The following NUP37 variants were observed in gnomAD, a reference collection of about 807,000 sequenced individuals.
NUP37 encodes the protein nucleoporin 37.
In NUP37, 33 loss-of-function variants were observed where a neutral mutation model predicts 45.4. That is an observed-to-expected ratio of 0.73 (90% CI 0.55 to 0.97). The LOEUF is 0.97. NUP37 is among the 50% of genes least tolerant of loss of function. NUP37 has a pLI of 0.00. For missense variants in NUP37, 365 were observed against 389.7 expected (o/e 0.94, Z 0.53); for synonymous variants, 127 against 130.7 (o/e 0.97, Z 0.19).
chr12:102,112,079 AGGAATGCATTT>A lies in NUP37; in HGVS notation c.281+18_281+28del. The A allele has an allele frequency of 6.2e-7, 1 of 1,602,746 alleles. No homozygotes were observed. ...GTAACACAATCAAAGTACATTAGTA[AGGAATGCATTT>A]GGTACTGTTAAACTTACTTGATTAC... On this transcript the variant is annotated intron_variant, in intron 3 of 9. Transcript: ENST00000552283.
chr12:102,089,038 A>G (rs1002737963), intron 5 of NUP37, among the ~76,000 whole-genome samples: 1 of 152,174 alleles, frequency 6.6e-6, no homozygotes, highest in Non-Finnish European at 1.5e-5. Context: ...AAGGTTATAG[A>G]TTAACAGCAT....
intron 5 of NUP37, among the ~76,000 whole-genome samples, chr12:102,093,973 T>C (rs1213954197): frequency 6.6e-6 from 1 of 152,142 alleles, no homozygotes; most frequent in Non-Finnish European, 1.5e-5. Context: ...TAAATGATCA[T>C]GTCAAGTTTT....
intron 3 of NUP37, among the ~76,000 whole-genome samples, chr12:102,106,504 C>G (rs1594398066): frequency 6.6e-6 from 1 of 152,250 alleles, no homozygotes; most frequent in South Asian, 2.1e-4. Flanking sequence ...TCAGTTTCCT[C>G]CTCAATAAAG....
chr12:102,103,872 T>C (rs1239664288), intron 3 of NUP37, among the ~76,000 whole-genome samples: 1 of 152,168 alleles, frequency 6.6e-6, no homozygotes, highest in East Asian at 1.9e-4. Context: ...CGCATCACAA[T>C]ATAGGCCATC....
At chr12:102,074,557 GATTT>G in intron 9 of NUP37, 90 bp from the exon 10 acceptor site, 1 of 756,134 alleles carries the variant, frequency 1.3e-6, no homozygotes. Flanking sequence ...ATGCATTGAT[GATTT>G]ATCTTTGTAG....
chr12:102,075,221 G>T lies in NUP37; in HGVS notation c.774-127C>A, dbSNP rs113305130. 1.5e-3 allele frequency: 784 copies of T among 539,238 alleles called. 3 individuals carry two copies. The highest frequency in any genetic ancestry group is 0.013 in the African/African-American group (656 of 51,588). 33.4% of individuals were successfully genotyped at this position (539,238 alleles called of 1,614,324 possible). On this transcript the variant is annotated intron_variant, in intron 8 of 9. Coordinates refer to ENST00000552283, the MANE Select transcript of NUP37 (RefSeq NM_024057.4). ...GACAGGGTCTTGCTCTGTCACCCAGGCTGGAGTGCAGAAGTGCTAACAAAA... is the reference window on the plus strand; with the variant it reads ...GACAGGGTCTTGCTCTGTCACCCAGTCTGGAGTGCAGAAGTGCTAACAAAA...
chr12:102,075,010 TC>T lies in NUP37; in HGVS notation c.857del (p.Gly286AspfsTer11). ...AACATTTCCACATTACCTGAGGGTG[TC>T]CTAAATGATGAATTTGAAACTGGCT... ...MASQFQIHHL[G>X]HPQPILMGSV... On this transcript the variant is annotated frameshift_variant, in exon 9 of 10. Transcript: ENST00000552283. LOFTEE classifies it high-confidence loss of function. 6.2e-7 allele frequency: 1 copy of T among 1,604,358 alleles called. No homozygotes were observed. Among genetic ancestry groups the T allele is most frequent in the Non-Finnish European group, 8.5e-7 (1 of 1,173,940 alleles).
chr12:102,077,506 G>GT lies in NUP37; in HGVS notation c.541-4dup. On this transcript the variant is annotated splice_region_variant and splice_polypyrimidine_tract_variant and intron_variant, in intron 6 of 9. Coordinates refer to ENST00000552283, the MANE Select transcript of NUP37 (RefSeq NM_024057.4). ...CCATTCTTCTCTGCAACCATTAGCT[G>GT]TAAGACAGAAAAATAAAAAGAAACT... 6.2e-7 allele frequency: 1 copy of GT among 1,605,122 alleles called. No individual in the cohort carries two copies. The highest frequency in any genetic ancestry group is 8.5e-7 in the Non-Finnish European group (1 of 1,176,960).
intron 5 of NUP37, among the ~76,000 whole-genome samples, chr12:102,097,628 A>T (rs1308458739): frequency 6.6e-6 from 1 of 152,222 alleles, no homozygotes; most frequent in Non-Finnish European, 1.5e-5. Context: ...TTCGTTCACT[A>T]TTCAGAGGCC....
intron 6 of NUP37, 83 bp downstream of exon 6, chr12:102,085,683 A>T: frequency 1.6e-6 from 1 of 607,612 alleles, no homozygotes; most frequent in Non-Finnish European, 2.8e-6. Context: ...AAAATCATTG[A>T]TCTTCCTCCT....
chr12:102,080,450 AT>A (rs1207509764), intron 6 of NUP37, among the ~76,000 whole-genome samples: 1 of 152,160 alleles, frequency 6.6e-6, no homozygotes, highest in East Asian at 1.9e-4. Flanking sequence ...AACAAAAATG[AT>A]TCTTTAAGAA....
rs556695513 is a variant in NUP37 at position 102,085,442 on chromosome 12, A to C, written c.540+324T>G. Among the ~76,000 whole-genome samples, 3 of 152,262 alleles carry C rather than the reference A, an allele frequency of 2.0e-5. No homozygotes were observed. The East Asian group carries it at 5.8e-4, about 29-fold the overall frequency. ...GTCTAAAAAAAACAAAAACAAAAAC[A>C]AAAGAAAAACCAAAACAAAAAAAAT... is the stretch of plus-strand genomic sequence containing the variant. On this transcript the variant is annotated intron_variant, in intron 6 of 9. Transcript: ENST00000552283.
chr12:102,116,722 C>T (rs1202927938), intron 2 of NUP37, among the ~76,000 whole-genome samples: 2 of 152,158 alleles, frequency 1.3e-5, no homozygotes, highest in African/African-American at 4.8e-5. Context: ...TACAGAATTG[C>T]CGCTGGGCAT....
intron 6 of NUP37, among the ~76,000 whole-genome samples, chr12:102,082,128 T>C (rs1879346883): frequency 6.6e-6 from 1 of 152,206 alleles, no homozygotes; most frequent in South Asian, 2.1e-4. Context: ...TCCTAGCTCC[T>C]ATTGAGTCTT....
intron 6 of NUP37, among the ~76,000 whole-genome samples, chr12:102,085,170 A>G (rs1879432882): frequency 6.6e-6 from 1 of 152,226 alleles, no homozygotes; most frequent in South Asian, 2.1e-4. Context: ...CTGTAGTCCC[A>G]GCACTTTGTG....
intron 5 of NUP37, among the ~76,000 whole-genome samples, chr12:102,089,775 C>T (rs1174703403): frequency 1.3e-5 from 2 of 152,152 alleles, no homozygotes; most frequent in African/African-American, 4.8e-5. Context: ...CAGAGGCGCC[C>T]CTCAATTTGT....
At chr12:102,091,399 C>CA (rs1163474160) in intron 5 of NUP37, among the ~76,000 whole-genome samples, 2,800 of 37,642 alleles carry the variant, frequency 0.074, 379 homozygotes, top group African/African-American at 0.1. Context: ...GACTCCGTCT[C>CA]AAAAAAAAAA....
chr12:102,120,028 G>C (rs1880724101), intron 1 of NUP37, 22 bp downstream of exon 1: 1 of 153,292 alleles, frequency 6.5e-6, no homozygotes, highest in South Asian at 2.0e-4. Flanking sequence ...CCGGCCTCTC[G>C]GGCTCCCAGC....
chr12:102,085,666 G>C, intron 6 of NUP37, 100 bp downstream of exon 6: 2 of 553,830 alleles, frequency 3.6e-6, no homozygotes, highest in Middle Eastern at 5.0e-4. Flanking sequence ...GTATCTCTGA[G>C]ATGGGAAAAA....
Sources: allele counts gnomAD v4.1 joint callset (sites outside exome capture counted in the v4.1 genomes callset), GRCh38; gene constraint gnomAD v4.1.1; transcripts MANE v1.5; gene names NCBI Gene and HGNC (gene_info 2026-07-23, HGNC 2026-07-21).